The following FAM91A1 variants were observed in gnomAD, a reference collection of about 807,000 sequenced individuals.
FAM91A1 encodes protein FAM91A1.
A neutral mutation model predicts 113.5 loss-of-function variants in FAM91A1; 41 were observed. The observed-to-expected ratio is 0.36, with a 90% CI of 0.28 to 0.47. The LOEUF (loss-of-function observed/expected upper bound fraction) is 0.47. FAM91A1 is among the 20% of genes least tolerant of loss of function. The pLI, the probability that FAM91A1 is intolerant of heterozygous loss-of-function variation, is 1.00. For synonymous variants in FAM91A1, 307 were observed against 347.9 expected (o/e 0.88, Z 1.31); for missense variants, 696 against 1,001.2 (o/e 0.70, Z 4.11).
intron 13 of FAM91A1, 120 bp downstream of exon 13, chr8:123,787,493 A>G: frequency 1.0e-6 from 1 of 999,168 alleles, no homozygotes. Flanking sequence ...CAACTGACTT[A>G]GAGGAGTATA....
chr8:123,782,365 A>G (rs139889680), intron 8 of FAM91A1, among the ~76,000 whole-genome samples: 7 of 152,358 alleles, frequency 4.6e-5, no homozygotes, highest in African/African-American at 1.2e-4. Context: ...CAAATTCAGT[A>G]CAAATAATAC....
chr8:123,780,566 A>AT (rs1815094827), intron 8 of FAM91A1, 24 bp downstream of exon 8: 1 of 1,597,538 alleles, frequency 6.3e-7, no homozygotes, highest in Non-Finnish European at 8.6e-7. Flanking sequence ...AACATTTTTC[A>AT]CTGTTTTTTG....
chr8:123,785,208 C>A, intron 10 of FAM91A1, 89 bp downstream of exon 10: 1 of 1,079,088 alleles, frequency 9.3e-7, no homozygotes, highest in Non-Finnish European at 1.3e-6. Context: ...TACTGAGAAA[C>A]GAAGACATTG....
In FAM91A1 at chr8:123,801,142, C is replaced by T. The variant is rs369706502; in HGVS notation, c.1809+1257C>T. Among the ~76,000 whole-genome samples the T allele has an allele frequency of 6.6e-5, 10 of 152,284 alleles. No individual in the cohort carries two copies. The East Asian group carries it at 1.5e-3, about 23-fold the overall frequency. On this transcript the variant is annotated intron_variant, in intron 18 of 23. Coordinates refer to ENST00000334705, the MANE Select transcript of FAM91A1 (RefSeq NM_144963.4). ...GTGGCTGCATCATTTTACATTCTCA[C>T]GGGCACTTGATATTATGTGGCTTTT... is the stretch of plus-strand genomic sequence containing the variant.
At chr8:123,788,349 A>G (rs182786508) in intron 14 of FAM91A1, 11 of 693,098 alleles carry the variant, frequency 1.6e-5, no homozygotes, top group East Asian at 2.7e-4. Context: ...TTTGTATTCA[A>G]ATAGTTTGTG....
At chr8:123,774,706 T>G (rs962032914) in intron 2 of FAM91A1, among the ~76,000 whole-genome samples, 13 of 152,178 alleles carry the variant, frequency 8.5e-5, no homozygotes, top group Non-Finnish European at 1.6e-4. Context: ...TCTGACATTG[T>G]TTTTCTTCAT....
At chr8:123,803,775 A>C (rs1414741562) in intron 18 of FAM91A1, among the ~76,000 whole-genome samples, 2 of 152,238 alleles carry the variant, frequency 1.3e-5, no homozygotes, top group Admixed American at 6.5e-5. Context: ...TTAGGAAATA[A>C]AAGAGAGCTC....
At chr8:123,796,982 A>C (rs1586387712) in intron 15 of FAM91A1, among the ~76,000 whole-genome samples, 1 of 151,546 alleles carries the variant, frequency 6.6e-6, no homozygotes, top group Non-Finnish European at 1.5e-5. Flanking sequence ...AATCACTTGA[A>C]CCTGGGAGGC....
rs528484151 is a variant in FAM91A1 at position 123,781,667 on chromosome 8, T to C, written c.703+1125T>C. Among the ~76,000 whole-genome samples, 4 of 152,080 alleles carry C rather than the reference T, an allele frequency of 2.6e-5. No homozygotes were observed. In the East Asian group the frequency reaches 5.8e-4, roughly 22 times the overall value. ...TAATTTACTCTACAGGTAAAACCCA[T>C]AGAGACAGGGTTTCACCATTTTGGC... is the stretch of plus-strand genomic sequence containing the variant. On this transcript the variant is annotated intron_variant, in intron 8 of 23. Transcript: ENST00000334705.
At chr8:123,812,403 T>A in intron 23 of FAM91A1, 116 bp from the exon 24 acceptor site, 1 of 691,366 alleles carries the variant, frequency 1.4e-6, no homozygotes, top group Non-Finnish European at 2.2e-6. Flanking sequence ...TCTCCTGTAC[T>A]GCTTTGCAAT....
At chr8:123,779,707 C>T (rs1009279020) in intron 6 of FAM91A1, among the ~76,000 whole-genome samples, 5 of 152,208 alleles carry the variant, frequency 3.3e-5, no homozygotes, top group African/African-American at 1.2e-4. Flanking sequence ...GCAGATGGAT[C>T]TAATTCCAAT....
In FAM91A1 at chr8:123,779,534, G is replaced by A. The variant is rs148051859; in HGVS notation, c.550-451G>A. Among the ~76,000 whole-genome samples, 64 of 152,246 alleles carry A rather than the reference G, an allele frequency of 4.2e-4. No homozygotes were observed. In the East Asian group the frequency reaches 0.01, roughly 24 times the overall value. ...CTGCATTTAATTTTCTCCAGGGTAC[G>A]TACTAAATCCATTGAGTGGAAGGCT... is the stretch of plus-strand genomic sequence containing the variant. On this transcript the variant is annotated intron_variant, in intron 6 of 23. Transcript: ENST00000334705.
intron 15 of FAM91A1, among the ~76,000 whole-genome samples, chr8:123,793,674 T>G (rs563055672): frequency 3.3e-4 from 50 of 152,328 alleles, no homozygotes; most frequent in African/African-American, 1.1e-3. Flanking sequence ...TTATTCTGCC[T>G]CAGTCCTGGA....
intron 2 of FAM91A1, among the ~76,000 whole-genome samples, chr8:123,774,769 C>T (rs916052153): frequency 6.6e-6 from 1 of 152,060 alleles, no homozygotes; most frequent in East Asian, 1.9e-4. Flanking sequence ...ACTAAAAAAG[C>T]AGCAAATAAT....
intron 18 of FAM91A1, 55 bp from the exon 19 acceptor site, chr8:123,805,212 C>A: frequency 7.6e-7 from 1 of 1,322,242 alleles, no homozygotes; most frequent in Non-Finnish European, 1.1e-6. Flanking sequence ...TTTTGAATAT[C>A]AGTGATTGGA....
chr8:123,790,735 C>G (rs574743794), intron 15 of FAM91A1, among the ~76,000 whole-genome samples: 65 of 152,282 alleles, frequency 4.3e-4, no homozygotes, highest in Non-Finnish European at 8.2e-4. Context: ...GGGTAGTTTA[C>G]TTGAGTGAGG....
chr8:123,785,477 A>G, intron 10 of FAM91A1, 152 bp from the exon 11 acceptor site: 2 of 625,354 alleles, frequency 3.2e-6, no homozygotes, highest in Non-Finnish European at 5.6e-6. Context: ...GAAGACTTCA[A>G]GGGAGGAGCA....
At chr8:123,787,795 CTG>C in intron 14 of FAM91A1, 45 bp downstream of exon 14, 1 of 1,479,798 alleles carries the variant, frequency 6.8e-7, no homozygotes, top group Non-Finnish European at 9.3e-7. Context: ...CATTTGGAAT[CTG>C]TCCTTGCTTG....
At chr8:123,788,659 ATCT>A (rs554758067) in intron 14 of FAM91A1, among the ~76,000 whole-genome samples, 1 of 152,038 alleles carries the variant, frequency 6.6e-6, no homozygotes, top group Non-Finnish European at 1.5e-5. Flanking sequence ...ATTGTATATT[ATCT>A]TCTACTAATA....
Sources: allele counts gnomAD v4.1 joint callset (sites outside exome capture counted in the v4.1 genomes callset), GRCh38; gene constraint gnomAD v4.1.1; transcripts MANE v1.5; gene names NCBI Gene and HGNC (gene_info 2026-07-23, HGNC 2026-07-21).